NID1: variants seen among roughly 807,000 people sequenced by gnomAD.
NID1 encodes nidogen-1.
Under a neutral mutation model 130.6 loss-of-function variants are expected in NID1, and 76 were observed. The observed-to-expected ratio is 0.58, with a 90% CI of 0.48 to 0.70. The LOEUF is 0.70. Ranked by LOEUF, NID1 falls within the 30% of genes least tolerant of loss-of-function variation. NID1 has a pLI of 0.00. For synonymous variants in NID1, 665 were observed against 675.1 expected, an observed-to-expected ratio of 0.98 and a Z score of 0.23; for missense variants, 1,517 against 1,664.8, an observed-to-expected ratio of 0.91 and a Z score of 1.54.
chr1:236,029,815 C>T lies in NID1; in HGVS notation c.1538-65G>A, dbSNP rs933798513. ...AGCGCGCCCTTCTGCCCGCCCCAGG[C>T]TCACAGTGTGGAGTGGGGTTGGTGC... On this transcript the variant is annotated intron_variant, in intron 6 of 19. Coordinates refer to ENST00000264187, the MANE Select transcript of NID1 (RefSeq NM_002508.3). 3 of 1,534,678 alleles carry T rather than the reference C, an allele frequency of 2.0e-6. No homozygotes were observed. In the African/African-American group the frequency reaches 4.1e-5, roughly 21 times the overall value.
intron 1 of NID1, among the ~76,000 whole-genome samples, chr1:236,060,197 T>C (rs1660002914): frequency 6.6e-6 from 1 of 152,160 alleles, no homozygotes; most frequent in Admixed American, 6.5e-5. Context: ...GATGATATGC[T>C]AAACAAGGGG....
In NID1 at chr1:236,004,761, C is replaced by CAAAAA. The variant is rs61480988; in HGVS notation, c.2527+7155_2527+7159dup. Among the ~76,000 whole-genome samples the CAAAAA allele has an allele frequency of 2.9e-3, 194 of 67,104 alleles. 3 individuals are homozygous for CAAAAA. The highest frequency in any genetic ancestry group is 4.0e-3 in the Non-Finnish European group (144 of 36,234). 44.0% of individuals were successfully genotyped at this position (67,104 alleles called of 152,430 possible). The stretch of plus-strand genomic sequence containing the variant: ...TGGGCAACAGAGCGAGACTCTGTCT[C>CAAAAA]AAAAAAAAAAAAAAAAAAAAAGTTA... On this transcript the variant is annotated intron_variant, in intron 12 of 19. Coordinates refer to ENST00000264187, the MANE Select transcript of NID1 (RefSeq NM_002508.3).
chr1:235,977,248 G>T lies in NID1; in HGVS notation c.*619C>A, dbSNP rs1657286702. On this transcript the variant is annotated 3_prime_UTR_variant, in exon 20 of 20. Transcript: ENST00000264187. ...TCCACCAAATGCCCATAGATCTCTA[G>T]GACAGGGTAGGTTTTGATGAAAAAG... The T allele has an allele frequency of 6.6e-6, 1 of 152,288 alleles. No homozygotes were observed. Among genetic ancestry groups the T allele is most frequent in the Non-Finnish European group, 1.5e-5 (1 of 68,186 alleles). The allele number at this position is 152,288 out of a possible 1,614,324, so 9.4% of individuals were successfully genotyped here.
intron 13 of NID1, among the ~76,000 whole-genome samples, chr1:235,991,487 C>T (rs931248397): frequency 1.3e-4 from 20 of 152,272 alleles, no homozygotes; most frequent in African/African-American, 4.8e-4. Context: ...CATGCACCAC[C>T]ATACCCAGTT....
At chr1:236,024,525 A>T (rs1429296663) in intron 8 of NID1, among the ~76,000 whole-genome samples, 1 of 152,238 alleles carries the variant, frequency 6.6e-6, no homozygotes, top group Non-Finnish European at 1.5e-5. Flanking sequence ...AAAACCTAAA[A>T]TACCTACTAT....
At chr1:236,060,188 A>T (rs1012483819) in intron 1 of NID1, among the ~76,000 whole-genome samples, 6 of 151,588 alleles carry the variant, frequency 4.0e-5, no homozygotes, top group Non-Finnish European at 8.8e-5. Context: ...CTATTTCTTG[A>T]TGATATGCTA....
chr1:236,064,865 T>C lies in NID1; in HGVS notation c.215A>G (p.Asp72Gly). 1 of 1,611,392 alleles carries C rather than the reference T, an allele frequency of 6.2e-7. No homozygotes were observed. The highest frequency in any genetic ancestry group is 2.2e-5 in the East Asian group (1 of 44,792). The change falls in exon 1 of 20, where the codon GAC (aspartate) becomes GGC (glycine). Residue 72 changes from aspartate (D) to glycine (G), a missense_variant. Coordinates refer to ENST00000264187, the MANE Select transcript of NID1 (RefSeq NM_002508.3). ...CCGGGGCTCACTCACGTAGACTGCG[T>C]CGATGTCGGATCTGTCGTAGAAGCG... is the stretch of plus-strand genomic sequence containing the variant. ...ALRFYDRSDI[D>G]AVYVTTNGII...
At chr1:235,987,319 C>T (rs780415601) in intron 14 of NID1, among the ~76,000 whole-genome samples, 3 of 152,080 alleles carry the variant, frequency 2.0e-5, no homozygotes, top group Non-Finnish European at 4.4e-5. Flanking sequence ...AGCCATCTGC[C>T]CATAGGTTGA....
intron 1 of NID1, among the ~76,000 whole-genome samples, chr1:236,061,397 C>G (rs1394137001): frequency 6.6e-6 from 1 of 152,190 alleles, no homozygotes; most frequent in Non-Finnish European, 1.5e-5. Context: ...AATAACCAGA[C>G]ATCACTTGCC....
At chr1:235,996,484 C>A (rs1657925811) in intron 12 of NID1, among the ~76,000 whole-genome samples, 1 of 152,210 alleles carries the variant, frequency 6.6e-6, no homozygotes, top group Non-Finnish European at 1.5e-5. Context: ...ACTCTGTCAC[C>A]CAGGCTGGAG....
chr1:236,028,397 A>G (rs1393819533), intron 7 of NID1, among the ~76,000 whole-genome samples: 3 of 152,146 alleles, frequency 2.0e-5, no homozygotes, highest in Non-Finnish European at 4.4e-5. Flanking sequence ...AGTCCCAGGT[A>G]CTCAGGAGGC....
intron 2 of NID1, among the ~76,000 whole-genome samples, chr1:236,047,487 C>T (rs907730440): frequency 2.6e-5 from 4 of 152,116 alleles, no homozygotes; most frequent in African/African-American, 9.7e-5. Context: ...TACTCAAAGA[C>T]CCTGCTTCCT....
chr1:236,053,698 T>C (rs1659825061), intron 1 of NID1, among the ~76,000 whole-genome samples: 1 of 152,198 alleles, frequency 6.6e-6, no homozygotes. Context: ...CCATTTGTCT[T>C]GGTCACCACA....
chr1:236,063,465 C>CT (rs1660098166), intron 1 of NID1, among the ~76,000 whole-genome samples: 1 of 126,218 alleles, frequency 7.9e-6, no homozygotes, highest in South Asian at 3.0e-4. Context: ...GAGAGAGACT[C>CT]TGTCTCAAAA....
intron 14 of NID1, among the ~76,000 whole-genome samples, chr1:235,986,753 C>T (rs889032826): frequency 1.3e-5 from 2 of 152,200 alleles, no homozygotes; most frequent in African/African-American, 2.4e-5. Context: ...TAAGCCAGTG[C>T]GCCCAGACAA....
chr1:235,993,780 A>G lies in NID1; in HGVS notation c.2620T>C (p.Phe874Leu). ...CCGTGCGCATCGCACTCAGGAACGA[A>G]CAGCCCCGGAGGAATGGGTCGCTGT... ...DPQRPIPPGL[F>L]VPECDAHGHY... The change falls in exon 13 of 20, where the codon TTC becomes CTC. Residue 874 changes from phenylalanine (F) to leucine (L), a missense_variant. Phe to Leu is a conservative substitution (Grantham distance 22). Coordinates refer to ENST00000264187, the MANE Select transcript of NID1 (RefSeq NM_002508.3). The G allele has an allele frequency of 6.2e-7, 1 of 1,614,176 alleles. No individual in the cohort carries two copies. The highest frequency in any genetic ancestry group is 1.7e-5 in the Admixed American group (1 of 60,038).
Position 236,054,602 on chromosome 1 carries a change from T to C in NID1, c.226-5613A>G, listed in dbSNP as rs75927701. Among the ~76,000 whole-genome samples the C allele has an allele frequency of 5.9e-4, 90 of 152,292 alleles. No homozygotes were observed. The East Asian group carries it at 0.016, about 27-fold the overall frequency. ...GGACAATATTAAGGAATTATTATCATTTCTTAAAGTATGATCATGATTTTA... is the reference window on the plus strand; with the variant it reads ...GGACAATATTAAGGAATTATTATCACTTCTTAAAGTATGATCATGATTTTA... On this transcript the variant is annotated intron_variant, in intron 1 of 19. Transcript: ENST00000264187.
rs754435662 is a variant in NID1 at position 236,024,224 on chromosome 1, A to G, written c.1985-11T>C. 3 of 1,613,900 alleles carry G rather than the reference A, an allele frequency of 1.9e-6. No individual in the cohort carries two copies. Among genetic ancestry groups the G allele is most frequent in the Non-Finnish European group, 1.7e-6 (2 of 1,179,966 alleles). On this transcript the variant is annotated splice_polypyrimidine_tract_variant and intron_variant, in intron 8 of 19. Transcript: ENST00000264187. Reference sequence around the variant, plus strand: ...CATCAGGGGAGCCTTCTGTGAAGACAGAGACATTGGAACCAAGTGAGTCTT... The same window carrying G: ...CATCAGGGGAGCCTTCTGTGAAGACGGAGACATTGGAACCAAGTGAGTCTT...
rs900285368 is a variant in NID1 at position 236,002,209 on chromosome 1, G to C, written c.2528-8337C>G. Among the ~76,000 whole-genome samples, 4 of 152,064 alleles carry C rather than the reference G, an allele frequency of 2.6e-5. No homozygotes were observed. The South Asian group carries it at 8.3e-4, about 32-fold the overall frequency. On this transcript the variant is annotated intron_variant, in intron 12 of 19. Transcript: ENST00000264187. ...GGTCAAGGGCTTGGCTGACATTAAA[G>C]ACAATAAATCAGGCTGGGCGCGGTG...
Sources: gnomAD v4.1 joint callset for allele counts (sites outside exome capture counted in the v4.1 genomes callset) on GRCh38, gnomAD v4.1.1 for gene constraint, MANE v1.5 for transcripts, NCBI Gene and HGNC (gene_info 2026-07-23, HGNC 2026-07-21) for gene names.